The following TNKS2 variants were observed in gnomAD, a reference collection of about 807,000 sequenced individuals.
TNKS2 encodes the protein poly [ADP-ribose] polymerase tankyrase-2.
A neutral mutation model predicts 137.6 loss-of-function variants in TNKS2; 72 were observed. The ratio of observed to expected loss-of-function variants is 0.52; its 90% CI spans 0.43 to 0.64. The LOEUF is 0.64. Ranked by LOEUF, TNKS2 falls within the 30% of genes least tolerant of loss-of-function variation. The pLI is 0.00. For missense variants in TNKS2, 1,049 were observed against 1,410.2 expected (o/e 0.74, Z 4.10); for synonymous variants, 516 against 512.1 (o/e 1.01, Z -0.10).
intron 1 of TNKS2, among the ~76,000 whole-genome samples, chr10:91,810,707 A>C (rs1324756244): frequency 6.7e-6 from 1 of 148,554 alleles, no homozygotes; most frequent in Non-Finnish European, 1.5e-5. Context: ...ACAGGGTTTC[A>C]CCATGTCAGC....
intron 6 of TNKS2, among the ~76,000 whole-genome samples, chr10:91,821,902 T>A (rs180903864): frequency 5.3e-5 from 8 of 152,304 alleles, no homozygotes; most frequent in African/African-American, 1.9e-4. Context: ...GTTGGAACCA[T>A]CTCTTGAAAG....
chr10:91,834,038 C>A lies in TNKS2; in HGVS notation c.1447+14C>A. 3 of 1,510,886 alleles carry A rather than the reference C, an allele frequency of 2.0e-6. No homozygotes were observed. The highest frequency in any genetic ancestry group is 2.7e-5 in the South Asian group (2 of 74,266). The allele number at this position is 1,510,886 out of a possible 1,614,324, so 93.6% of individuals were successfully genotyped here. A position where few individuals can be genotyped will look rare whatever the true frequency, so the allele number is the denominator to read the frequency against. ...AACTCCTCCAAGGTATTACATGCTTCAATGAAATTGATTTTTTTAAATTAA... is the reference window on the plus strand; with the variant it reads ...AACTCCTCCAAGGTATTACATGCTTAAATGAAATTGATTTTTTTAAATTAA... On this transcript the variant is annotated intron_variant, in intron 12 of 26. Coordinates refer to ENST00000371627, the MANE Select transcript of TNKS2 (RefSeq NM_025235.4).
intron 24 of TNKS2, among the ~76,000 whole-genome samples, 185 bp from the exon 25 acceptor site, chr10:91,859,277 T>C (rs960852062): frequency 6.6e-6 from 1 of 152,252 alleles, no homozygotes; most frequent in Non-Finnish European, 1.5e-5. Flanking sequence ...TTAGAAACAT[T>C]AGTTGATGTT....
chr10:91,857,385 A>C, intron 23 of TNKS2, 40 bp from the exon 24 acceptor site: 1 of 1,459,108 alleles, frequency 6.9e-7, no homozygotes, highest in Non-Finnish European at 9.4e-7. Flanking sequence ...GTCAGTAAGT[A>C]ATTCCTAAAG....
At chr10:91,807,820 C>T (rs1320604505) in intron 1 of TNKS2, among the ~76,000 whole-genome samples, 1 of 151,932 alleles carries the variant, frequency 6.6e-6, no homozygotes, top group Non-Finnish European at 1.5e-5. Context: ...TGGTGAAACC[C>T]CCCCTTTACT....
chr10:91,801,023 C>T (rs1844148211), intron 1 of TNKS2, among the ~76,000 whole-genome samples: 1 of 152,018 alleles, frequency 6.6e-6, no homozygotes, highest in Non-Finnish European at 1.5e-5. Flanking sequence ...ATAGAGTGAG[C>T]TATTGGAGGT....
chr10:91,848,974 T>C (rs1193275239), intron 19 of TNKS2, among the ~76,000 whole-genome samples: 1 of 152,100 alleles, frequency 6.6e-6, no homozygotes, highest in African/African-American at 2.4e-5. Flanking sequence ...GTAGCTGAAA[T>C]TGCAGGCACC....
At chr10:91,858,454 CTGTATTT>C (rs1842769585) in intron 24 of TNKS2, among the ~76,000 whole-genome samples, 4 of 152,096 alleles carry the variant, frequency 2.6e-5, no homozygotes, top group Non-Finnish European at 5.9e-5. Context: ...TTCTATTCAT[CTGTATTT>C]CTGTAAAGTA....
intron 21 of TNKS2, among the ~76,000 whole-genome samples, chr10:91,852,611 A>C (rs1842580330): frequency 1.3e-5 from 2 of 152,264 alleles, no homozygotes; most frequent in African/African-American, 2.4e-5. Context: ...ACCACATTTA[A>C]CTTTATTGTT....
At chr10:91,859,412 T>C (rs1265421063) in intron 24 of TNKS2, 50 bp from the exon 25 acceptor site, 3 of 1,371,850 alleles carry the variant, frequency 2.2e-6, no homozygotes, top group Non-Finnish European at 9.6e-7. Flanking sequence ...TTTTACTTTT[T>C]ATTCTAAGAT....
intron 7 of TNKS2, among the ~76,000 whole-genome samples, 157 bp from the exon 8 acceptor site, chr10:91,826,860 T>C (rs1845086235): frequency 6.6e-6 from 1 of 152,196 alleles, no homozygotes; most frequent in Admixed American, 6.5e-5. Flanking sequence ...GTTTTTTCCA[T>C]TGGGAAAAAT....
In TNKS2 at chr10:91,852,968, A is replaced by G. The variant is rs578107674; in HGVS notation, c.2815+1632A>G. On this transcript the variant is annotated intron_variant, in intron 21 of 26. Coordinates refer to ENST00000371627, the MANE Select transcript of TNKS2 (RefSeq NM_025235.4). Reference sequence around the variant, plus strand: ...AATTTTTGTAAGATAAAGAGGAGGGAAAGTCCATGATTTCCTGAAATATTA... The same window carrying G: ...AATTTTTGTAAGATAAAGAGGAGGGGAAGTCCATGATTTCCTGAAATATTA... Among the ~76,000 whole-genome samples the G allele has an allele frequency of 7.2e-5, 11 of 152,320 alleles. No individual in the cohort carries two copies. The South Asian group carries it at 2.3e-3, about 32-fold the overall frequency.
chr10:91,835,959 A>G (rs1842000689), intron 12 of TNKS2, among the ~76,000 whole-genome samples: 1 of 138,258 alleles, frequency 7.2e-6, no homozygotes, highest in Admixed American at 7.4e-5. Flanking sequence ...TCTTTAGCTC[A>G]TTTGTTGAAG....
chr10:91,860,119 A>T (rs12412538), intron 25 of TNKS2, among the ~76,000 whole-genome samples: 49,568 of 152,002 alleles, frequency 0.33, 8,600 homozygotes, highest in South Asian at 0.53. Context: ...TAAAACATTG[A>T]TCCTTTTTGA....
chr10:91,836,719 A>T lies in TNKS2; in HGVS notation c.1448-200A>T, dbSNP rs1329696830. 4 of 985,248 alleles carry T rather than the reference A, an allele frequency of 4.1e-6. No individual in the cohort carries two copies. In the South Asian group the frequency reaches 1.9e-4, roughly 46 times the overall value. 61.0% of individuals were successfully genotyped at this position (985,248 alleles called of 1,614,324 possible). A position where few individuals can be genotyped will look rare whatever the true frequency, so the allele number is the denominator to read the frequency against. ...ATACACATTTACATATTTTGCTTAT[A>T]TGTGTTGTATTTCAAAGAGTTTTAA... On this transcript the variant is annotated intron_variant, in intron 12 of 26. Coordinates refer to ENST00000371627, the MANE Select transcript of TNKS2 (RefSeq NM_025235.4).
In TNKS2 at chr10:91,831,016, T is replaced by G. The variant is rs755031377; in HGVS notation, c.1196+2T>G. 1.2e-6 allele frequency: 2 copies of G among 1,612,338 alleles called. No homozygotes were observed. The highest frequency in any genetic ancestry group is 1.1e-5 in the South Asian group (1 of 90,986). Reference sequence around the variant, plus strand: ...AAACATCAATGAAAAGACTAAAGAGTAAGTATACATTTAATGATTAAATAT... The same window carrying G: ...AAACATCAATGAAAAGACTAAAGAGGAAGTATACATTTAATGATTAAATAT... On this transcript the variant is annotated splice_donor_variant, in intron 10 of 26. Transcript: ENST00000371627. LOFTEE classifies it high-confidence loss of function.
chr10:91,809,814 A>G (rs1479567063), intron 1 of TNKS2, among the ~76,000 whole-genome samples: 1 of 152,038 alleles, frequency 6.6e-6, no homozygotes, highest in African/African-American at 2.4e-5. Flanking sequence ...TCTTTAAAGA[A>G]AAAAAAAGGC....
intron 18 of TNKS2, among the ~76,000 whole-genome samples, chr10:91,846,695 T>G (rs1369624400): frequency 2.0e-5 from 3 of 151,322 alleles, no homozygotes; most frequent in Non-Finnish European, 2.9e-5. Context: ...CACATTACAA[T>G]AAGAAACTGA....
chr10:91,822,276 T>TC lies in TNKS2; in HGVS notation c.729-13dup, dbSNP rs538192206. 37 of 1,593,786 alleles carry TC rather than the reference T, an allele frequency of 2.3e-5. No individual in the cohort carries two copies. In the East Asian group the frequency reaches 6.3e-4, roughly 27 times the overall value. On this transcript the variant is annotated intron_variant, in intron 6 of 26. Coordinates refer to ENST00000371627, the MANE Select transcript of TNKS2 (RefSeq NM_025235.4). ...AGAAATCTATACTGAAACAGGATTT[T>TC]CCCCCCCTTCTCATTGTAGTGATCT...
Sources: gnomAD v4.1 joint callset for allele counts (sites outside exome capture counted in the v4.1 genomes callset) on GRCh38, gnomAD v4.1.1 for gene constraint, MANE v1.5 for transcripts, NCBI Gene and HGNC (gene_info 2026-07-23, HGNC 2026-07-21) for gene names.